Variants in SCGB2A1 observed in about 807,000 individuals in gnomAD.
The protein encoded by SCGB2A1 is secretoglobin family 2A member 1.
SCGB2A1 carries 6 observed loss-of-function variants against 9.2 expected under a neutral mutation model. That is an observed-to-expected ratio of 0.66 (90% CI 0.36 to 1.29). The LOEUF (loss-of-function observed/expected upper bound fraction) is 1.29. Ranked by LOEUF, SCGB2A1 falls within the 50% of genes most tolerant of loss-of-function variation. The pLI, the probability that SCGB2A1 is intolerant of heterozygous loss-of-function variation, is 0.03. For missense variants in SCGB2A1, 138 were observed against 116.9 expected (o/e 1.18, Z -0.83); for synonymous variants, 37 against 41.0 (o/e 0.90, Z 0.37).
At position 62,213,063 on chromosome 11, in the gene SCGB2A1, CATATATACATATAT is replaced by C. The variant is rs1565121510; in HGVS notation, c.244-661_244-648del. Among the ~76,000 whole-genome samples, 4 of 53,042 alleles carry C rather than the reference CATATATACATATAT, an allele frequency of 7.5e-5. No homozygotes were observed. The East Asian group carries it at 1.3e-3, about 18-fold the overall frequency. 34.8% of individuals were successfully genotyped at this position (53,042 alleles called of 152,430 possible). Reference sequence around the variant, plus strand: ...ATATACATATATACACATATATACACATATATACATATATACACATATATACACATATATATATA... The same window carrying C: ...ATATACATATATACACATATATACACACACATATATACACATATATATATA... On this transcript the variant is annotated intron_variant, in intron 2 of 2. Transcript: ENST00000244930.
Position 62,213,667 on chromosome 11 carries a change from T to C in SCGB2A1, c.244-59T>C, listed in dbSNP as rs1944856574. 9.2e-6 allele frequency: 14 copies of C among 1,516,416 alleles called. No individual in the cohort carries two copies. The South Asian group carries it at 1.6e-4, about 18-fold the overall frequency. 93.9% of individuals were successfully genotyped at this position (1,516,416 alleles called of 1,614,324 possible). ...TGCAAGAAAACAAGAAGACAAGTTT[T>C]AATATTTGATTTAATAAGTGAAATT... is the stretch of plus-strand genomic sequence containing the variant. On this transcript the variant is annotated intron_variant, in intron 2 of 2. Transcript: ENST00000244930.
At chr11:62,213,106 A>ATATATATTTTTTTT (rs67975205) in intron 2 of SCGB2A1, among the ~76,000 whole-genome samples, 15 of 116,234 alleles carry the variant, frequency 1.3e-4, no homozygotes, top group East Asian at 2.4e-4. Flanking sequence ...ATATATATAT[A>ATATATATTTTTTTT]TTTTTTTTTT....
intron 2 of SCGB2A1, chr11:62,213,480 GA>G (rs1944855470): frequency 9.6e-6 from 4 of 415,722 alleles, no homozygotes; most frequent in Non-Finnish European, 1.3e-5. Context: ...AATTTTTGGA[GA>G]AAAAAAGTAT....
chr11:62,213,087 T>TGC (rs763790997), intron 2 of SCGB2A1, among the ~76,000 whole-genome samples: 5 of 119,254 alleles, frequency 4.2e-5, no homozygotes, highest in African/African-American at 1.7e-4. Flanking sequence ...TACACATATA[T>TGC]ACACATATAT....
chr11:62,209,635 ATGTGTGTGTGTGTG>A (rs60357410), intron 1 of SCGB2A1, among the ~76,000 whole-genome samples: 5,808 of 142,114 alleles, frequency 0.041, 318 homozygotes, highest in African/African-American at 0.13. Flanking sequence ...TTTCACATTC[ATGTGTGTGTGTGTG>A]TGTGTGTGTG....
At position 62,210,653 on chromosome 11, in the gene SCGB2A1, C is replaced by T. The variant is rs916975201; in HGVS notation, c.243+53C>T. On this transcript the variant is annotated intron_variant, in intron 2 of 2. Coordinates refer to ENST00000244930, the MANE Select transcript of SCGB2A1 (RefSeq NM_002407.3). ...TTTGAAAATCACTGATCAGAACCAG[C>T]GGGCTCTAAATTTGGCACCAAGAAT... 13 of 1,375,812 alleles carry T rather than the reference C, an allele frequency of 9.4e-6. No individual in the cohort carries two copies. The Admixed American group carries it at 1.8e-4, about 19-fold the overall frequency. 85.2% of individuals were successfully genotyped at this position (1,375,812 alleles called of 1,614,324 possible).
chr11:62,208,848 A>G, intron 1 of SCGB2A1, 62 bp downstream of exon 1: 1 of 1,537,344 alleles, frequency 6.5e-7, no homozygotes, highest in Non-Finnish European at 9.0e-7. Flanking sequence ...CCCCTGTAGA[A>G]GAACTCCCAA....
chr11:62,209,455 T>C (rs867243393), intron 1 of SCGB2A1, among the ~76,000 whole-genome samples: 9 of 152,170 alleles, frequency 5.9e-5, no homozygotes, highest in African/African-American at 1.7e-4. Flanking sequence ...CCCTACCGTA[T>C]TGGCATCCAA....
intron 1 of SCGB2A1, 73 bp from the exon 2 acceptor site, chr11:62,210,340 T>A (rs1944818452): frequency 2.7e-6 from 4 of 1,509,018 alleles, no homozygotes; most frequent in Non-Finnish European, 3.5e-6. Flanking sequence ...TCCCAATTCA[T>A]CTGTAGAATG....
chr11:62,210,909 G>A (rs1468994945), intron 2 of SCGB2A1, among the ~76,000 whole-genome samples: 1 of 149,112 alleles, frequency 6.7e-6, no homozygotes, highest in South Asian at 2.2e-4. Flanking sequence ...AGACACACGG[G>A]GACAGGCATC....
chr11:62,212,992 G>GTACACACA (rs1554985836), intron 2 of SCGB2A1, among the ~76,000 whole-genome samples: 3 of 112,078 alleles, frequency 2.7e-5, no homozygotes, highest in African/African-American at 1.1e-4. Context: ...ACATATACAT[G>GTACACACA]CATATATGTA....
At position 62,210,615 on chromosome 11, in the gene SCGB2A1, T is replaced by G; in HGVS notation, c.243+15T>G. 6.6e-7 allele frequency: 1 copy of G among 1,523,840 alleles called. No individual in the cohort carries two copies. The highest frequency in any genetic ancestry group is 1.4e-5 in the African/African-American group (1 of 70,010). 94.4% of individuals were successfully genotyped at this position (1,523,840 alleles called of 1,614,324 possible). A position where few individuals can be genotyped will look rare whatever the true frequency, so the allele number is the denominator to read the frequency against. On this transcript the variant is annotated intron_variant, in intron 2 of 2. Coordinates refer to ENST00000244930, the MANE Select transcript of SCGB2A1 (RefSeq NM_002407.3). The stretch of plus-strand genomic sequence containing the variant: ...GACTGATGATGGTAATTTGGGTTTC[T>G]TCTTATGTACCCTTTGAAAATCACT...
In SCGB2A1 at chr11:62,208,698, C is replaced by T. The variant is rs371318355; in HGVS notation, c.-34C>T. The T allele has an allele frequency of 1.3e-5, 21 of 1,611,292 alleles. No homozygotes were observed. Among genetic ancestry groups the T allele is most frequent in the South Asian group, 3.3e-5 (3 of 90,962 alleles). On this transcript the variant is annotated 5_prime_UTR_variant, in exon 1 of 3. In the 5' UTR this introduces an upstream ATG that the reference lacks. Transcript: ENST00000244930. The stretch of plus-strand genomic sequence containing the variant: ...ACAGCAACTTCCTTGATCCCTGCCA[C>T]GCACGACTGAACACAGACAGCAGCC...
chr11:62,213,077 TACACATATATACACATATATA>T (rs1565121544), intron 2 of SCGB2A1, among the ~76,000 whole-genome samples: 5 of 42,240 alleles, frequency 1.2e-4, no homozygotes, highest in African/African-American at 3.3e-4. Flanking sequence ...TATACATATA[TACACATATATACACATATATA>T]TATATATATT....
At position 62,213,840 on chromosome 11, in the gene SCGB2A1, C is replaced by T. The variant is rs191639379; in HGVS notation, c.*70C>T. ...GAACTCATCTGTTGATTGCTAGAAA[C>T]CACTTTTCTTTCTTGTGTTGTCTTT... On this transcript the variant is annotated 3_prime_UTR_variant, in exon 3 of 3. Transcript: ENST00000244930. The T allele has an allele frequency of 3.2e-4, 425 of 1,330,660 alleles. 2 individuals carry two copies. The African/African-American group carries it at 5.8e-3, about 18-fold the overall frequency. The allele number at this position is 1,330,660 out of a possible 1,614,324, so 82.4% of individuals were successfully genotyped here.
At chr11:62,210,386 CTTTT>C (rs201416395) in intron 1 of SCGB2A1, 23 bp from the exon 2 acceptor site, 1,717 of 1,346,058 alleles carry the variant, frequency 1.3e-3, no homozygotes, top group Middle Eastern at 1.8e-3. Context: ...GTTCTTGTGT[CTTTT>C]TTTTTTTTTT....
intron 2 of SCGB2A1, among the ~76,000 whole-genome samples, chr11:62,213,065 T>C (rs1338776574): frequency 1.1e-4 from 12 of 109,536 alleles, no homozygotes; most frequent in African/African-American, 4.3e-4. Flanking sequence ...TATATACACA[T>C]ATATACATAT....
chr11:62,208,879 C>G, intron 1 of SCGB2A1, 93 bp downstream of exon 1: 1 of 1,320,010 alleles, frequency 7.6e-7, no homozygotes, highest in East Asian at 2.4e-5. Flanking sequence ...CCAGCACAGA[C>G]GAGCCCCAGT....
intron 2 of SCGB2A1, among the ~76,000 whole-genome samples, chr11:62,211,187 G>A (rs1325943870): frequency 6.6e-6 from 1 of 151,962 alleles, no homozygotes; most frequent in Non-Finnish European, 1.5e-5. Flanking sequence ...GCCTCCCAGA[G>A]TTCTGAGATT....
Sources: gnomAD v4.1 joint callset for allele counts (sites outside exome capture counted in the v4.1 genomes callset) on GRCh38, gnomAD v4.1.1 for gene constraint, MANE v1.5 for transcripts, NCBI Gene and HGNC (gene_info 2026-07-23, HGNC 2026-07-21) for gene names.